Variants in IL1RAPL2 observed in about 807,000 individuals in gnomAD.
The protein encoded by IL1RAPL2 is interleukin 1 receptor accessory protein like 2.
Under a neutral mutation model 44.1 loss-of-function variants are expected in IL1RAPL2, and 3 were observed. The ratio of observed to expected loss-of-function variants is 0.07; its 90% CI spans 0.03 to 0.18. The LOEUF is 0.18. IL1RAPL2 is among the 10% of genes least tolerant of loss of function. The probability of loss-of-function intolerance (pLI) is 1.00; values close to 1 mark genes in which losing one functional copy is unlikely to be tolerated. For missense variants in IL1RAPL2, 391 were observed against 496.4 expected (o/e 0.79, Z 2.02); for synonymous variants, 181 against 178.8 (o/e 1.01, Z -0.10).
At chrX:104,598,430 C>G (rs1928810200) in intron 1 of IL1RAPL2, among the ~76,000 whole-genome samples, 2 of 112,009 alleles carry the variant, frequency 1.8e-5, no homozygotes, top group Non-Finnish European at 3.8e-5. Flanking sequence ...TATTCATTGG[C>G]CTTTTAGGTT....
chrX:105,227,232 T>TA (rs1186811610), intron 3 of IL1RAPL2, among the ~76,000 whole-genome samples: 4 of 111,191 alleles, frequency 3.6e-5, no homozygotes, highest in Non-Finnish European at 7.6e-5. Flanking sequence ...AATAATAAAA[T>TA]AAAAAAATTA....
chrX:105,542,536 C>A (rs1448366150), intron 6 of IL1RAPL2, among the ~76,000 whole-genome samples: 1 of 111,190 alleles, frequency 9.0e-6, no homozygotes, highest in Non-Finnish European at 1.9e-5. Context: ...GTGAAAATCT[C>A]TTTGCAGTTT....
At chrX:104,658,803 T>C (rs1216846311) in intron 1 of IL1RAPL2, 92 bp from the exon 2 acceptor site, 1 of 559,097 alleles carries the variant, frequency 1.8e-6, no homozygotes, top group Non-Finnish European at 3.0e-6. Flanking sequence ...GTTTCTCTAA[T>C]GGAGTTTTGA....
At chrX:104,864,169 GT>G (rs1922558270) in intron 2 of IL1RAPL2, among the ~76,000 whole-genome samples, 1 of 111,855 alleles carries the variant, frequency 8.9e-6, no homozygotes, top group Admixed American at 9.5e-5. Context: ...TATAGGCTGT[GT>G]TATAAAGAGC....
intron 6 of IL1RAPL2, among the ~76,000 whole-genome samples, chrX:105,685,643 G>C (rs2037965261): frequency 8.9e-6 from 1 of 111,737 alleles, no homozygotes; most frequent in Non-Finnish European, 1.9e-5. Context: ...ATATTATCCA[G>C]GAGAACTTCC....
chrX:104,826,254 C>T (rs769234775), intron 2 of IL1RAPL2, among the ~76,000 whole-genome samples: 5 of 111,922 alleles, frequency 4.5e-5, no homozygotes, highest in African/African-American at 1.3e-4. Context: ...GAATTTAGTG[C>T]TATGAATTTT....
chrX:104,587,041 G>A (rs1010778412), intron 1 of IL1RAPL2, among the ~76,000 whole-genome samples: 4 of 111,336 alleles, frequency 3.6e-5, no homozygotes, highest in Admixed American at 1.9e-4. Context: ...GAGGATCAGA[G>A]TACTTTTAAG....
chrX:104,860,966 A>T (rs888636782), intron 2 of IL1RAPL2, among the ~76,000 whole-genome samples: 2 of 110,808 alleles, frequency 1.8e-5, no homozygotes, highest in African/African-American at 6.5e-5. Context: ...CCCTCCTTTG[A>T]CTTTGTCCTT....
Position 104,850,705 on chromosome X carries a change from T to C in IL1RAPL2, c.82+191710T>C, listed in dbSNP as rs1294615931. Among the ~76,000 whole-genome samples, 2 of 111,858 alleles carry C rather than the reference T, an allele frequency of 1.8e-5. 1 individual carries two copies. Among genetic ancestry groups the C allele is most frequent in the Admixed American group, 1.9e-4 (2 of 10,459 alleles). On this transcript the variant is annotated intron_variant, in intron 2 of 10. Coordinates refer to ENST00000372582, the MANE Select transcript of IL1RAPL2 (RefSeq NM_017416.2). ...AATTTGAAAGTCCTTTGAGACTCTTTTTAAAAAATCTTGGCTGAAATCTCA... is the reference window on the plus strand; with the variant it reads ...AATTTGAAAGTCCTTTGAGACTCTTCTTAAAAAATCTTGGCTGAAATCTCA...
chrX:104,768,581 G>A (rs751754361), intron 2 of IL1RAPL2, among the ~76,000 whole-genome samples: 1 of 111,332 alleles, frequency 9.0e-6, no homozygotes, highest in South Asian at 3.8e-4. Context: ...TTGGAATTCC[G>A]TTGAGGTGTT....
intron 2 of IL1RAPL2, among the ~76,000 whole-genome samples, chrX:104,673,021 C>T (rs1397059939): frequency 1.8e-5 from 2 of 111,390 alleles, no homozygotes. Context: ...GAGTAGGTTG[C>T]AAAAATTTTC....
At chrX:105,174,297 C>G (rs1379193450) in intron 2 of IL1RAPL2, among the ~76,000 whole-genome samples, 1 of 112,056 alleles carries the variant, frequency 8.9e-6, no homozygotes, top group Non-Finnish European at 1.9e-5. Flanking sequence ...TCTTGGCAAT[C>G]TTCCAGGCCA....
chrX:104,571,746 G>A lies in IL1RAPL2; in HGVS notation c.-20+4695G>A, dbSNP rs759713154. Among the ~76,000 whole-genome samples the A allele has an allele frequency of 2.7e-5, 3 of 111,770 alleles. No individual in the cohort carries two copies. The South Asian group carries it at 1.1e-3, about 43-fold the overall frequency. The stretch of plus-strand genomic sequence containing the variant: ...GTATGAGAACAAACTAATACAGGAA[G>A]TTCTCTAACATTGCAGGTGAGTACA... On this transcript the variant is annotated intron_variant, in intron 1 of 10. Coordinates refer to ENST00000372582, the MANE Select transcript of IL1RAPL2 (RefSeq NM_017416.2).
At chrX:105,686,380 C>CAAAAAAAAAAAAAAAAAAA (rs1177667576) in intron 6 of IL1RAPL2, among the ~76,000 whole-genome samples, 5 of 25,159 alleles carry the variant, frequency 2.0e-4, no homozygotes, top group Admixed American at 1.4e-3. Flanking sequence ...AAATGGAAAG[C>CAAAAAAAAAAAAAAAAAAA]AAAAAAAAAA....
chrX:104,622,777 A>C (rs1444813212), intron 1 of IL1RAPL2, among the ~76,000 whole-genome samples: 1 of 112,197 alleles, frequency 8.9e-6, no homozygotes, highest in African/African-American at 3.2e-5. Context: ...ATGGGGTACC[A>C]ATGAATCCCA....
chrX:105,562,778 A>G (rs2036948807), intron 6 of IL1RAPL2, among the ~76,000 whole-genome samples: 1 of 111,620 alleles, frequency 9.0e-6, no homozygotes, highest in Non-Finnish European at 1.9e-5. Flanking sequence ...ACTTCCCTCA[A>G]TCTGAAAGAT....
At chrX:105,652,997 G>A (rs1384623530) in intron 6 of IL1RAPL2, among the ~76,000 whole-genome samples, 2 of 111,224 alleles carry the variant, frequency 1.8e-5, no homozygotes, top group South Asian at 3.7e-4. Flanking sequence ...GGCATCTACT[G>A]TATACAAATA....
In IL1RAPL2 at chrX:105,744,717, G is replaced by A. The variant is rs191363933; in HGVS notation, c.1048+4026G>A. On this transcript the variant is annotated intron_variant, in intron 8 of 10. Coordinates refer to ENST00000372582, the MANE Select transcript of IL1RAPL2 (RefSeq NM_017416.2). ...AACCTATCCATCTTCTTACCTATCTGTCTTCTGTCTGCACCTACCACTTCC... is the reference window on the plus strand; with the variant it reads ...AACCTATCCATCTTCTTACCTATCTATCTTCTGTCTGCACCTACCACTTCC... Among the ~76,000 whole-genome samples the A allele has an allele frequency of 1.8e-4, 20 of 111,649 alleles. No homozygotes were observed. In the East Asian group the frequency reaches 5.4e-3, roughly 30 times the overall value.
chrX:105,296,323 C>A (rs1266744283), intron 5 of IL1RAPL2, among the ~76,000 whole-genome samples: 1 of 111,828 alleles, frequency 8.9e-6, no homozygotes, highest in African/African-American at 3.2e-5. Flanking sequence ...CTTTTATAAT[C>A]ATCTCAGCTG....
Sources: gnomAD v4.1 joint callset for allele counts (sites outside exome capture counted in the v4.1 genomes callset) on GRCh38, gnomAD v4.1.1 for gene constraint, MANE v1.5 for transcripts, NCBI Gene and HGNC (gene_info 2026-07-23, HGNC 2026-07-21) for gene names.